Variants in RELB observed in about 807,000 individuals in gnomAD.
The protein encoded by RELB is RELB proto-oncogene, NF-kB subunit, also known as transcription factor RelB.
A neutral mutation model predicts 55.4 loss-of-function variants in RELB; 14 were observed. The ratio of observed to expected loss-of-function variants is 0.25; its 90% CI spans 0.17 to 0.40. The LOEUF (loss-of-function observed/expected upper bound fraction) is 0.40. Among genes scored for constraint, RELB ranks in the 10% least tolerant of loss-of-function variants. The pLI is 1.00. For missense variants in RELB, 669 were observed against 830.7 expected, an observed-to-expected ratio of 0.81 and a Z score of 2.39; for synonymous variants, 409 against 371.3, an observed-to-expected ratio of 1.10 and a Z score of -1.17.
intron 5 of RELB, among the ~76,000 whole-genome samples, chr19:45,024,413 C>A (rs866126812): frequency 7.4e-4 from 113 of 152,250 alleles, no homozygotes; most frequent in African/African-American, 2.6e-3. Flanking sequence ...CTGCCCGTAT[C>A]GGCCTCCCAA....
At chr19:45,025,991 C>G (rs1971554414) in intron 7 of RELB, among the ~76,000 whole-genome samples, 1 of 152,128 alleles carries the variant, frequency 6.6e-6, no homozygotes, top group Non-Finnish European at 1.5e-5. Flanking sequence ...CCGGTAATCC[C>G]AGCACTTTGG....
At chr19:45,010,925 G>A (rs1971342929) in intron 3 of RELB, among the ~76,000 whole-genome samples, 1 of 150,252 alleles carries the variant, frequency 6.7e-6, no homozygotes, top group Non-Finnish European at 1.5e-5. Context: ...GCATGATCTT[G>A]GCTCACTGCA....
At position 45,009,922 on chromosome 19, in the gene RELB, G is replaced by A. The variant is rs1171530153; in HGVS notation, c.163+100G>A. On this transcript the variant is annotated intron_variant, in intron 3 of 11. Transcript: ENST00000221452. Reference sequence around the variant, plus strand: ...TGTTCAGTGGGGGTGGGGGAGAGGTGTCACTGTGTGACTTCCAGGACTGTG... The same window carrying A: ...TGTTCAGTGGGGGTGGGGGAGAGGTATCACTGTGTGACTTCCAGGACTGTG... 3.4e-6 allele frequency: 4 copies of A among 1,181,426 alleles called. No individual in the cohort carries two copies. The Admixed American group carries it at 7.0e-5, about 21-fold the overall frequency. 73.2% of individuals were successfully genotyped at this position (1,181,426 alleles called of 1,614,324 possible).
At chr19:45,036,325 G>A (rs1209580297) in intron 11 of RELB, among the ~76,000 whole-genome samples, 7 of 152,072 alleles carry the variant, frequency 4.6e-5, no homozygotes, top group South Asian at 2.1e-4. Context: ...TGCCCGCCTC[G>A]GCCTGCCAAA....
intron 8 of RELB, among the ~76,000 whole-genome samples, chr19:45,031,158 C>T (rs535847139): frequency 9.2e-5 from 14 of 151,356 alleles, no homozygotes; most frequent in East Asian, 3.9e-4. Context: ...CTGACTCTTC[C>T]GCTACCAGTT....
intron 4 of RELB, among the ~76,000 whole-genome samples, chr19:45,016,507 G>A (rs1354226938): frequency 1.3e-5 from 2 of 152,224 alleles, no homozygotes; most frequent in East Asian, 1.9e-4. Context: ...CACACGTGCA[G>A]GGTTGCGGTT....
At chr19:45,017,049 G>A (rs149214253) in intron 4 of RELB, among the ~76,000 whole-genome samples, 7 of 152,224 alleles carry the variant, frequency 4.6e-5, no homozygotes, top group African/African-American at 1.4e-4. Flanking sequence ...GTCTACTTGC[G>A]GTAGGGTCCA....
intron 2 of RELB, among the ~76,000 whole-genome samples, chr19:45,005,952 A>G (rs1343680415): frequency 6.6e-6 from 1 of 152,132 alleles, no homozygotes; most frequent in African/African-American, 2.4e-5. Flanking sequence ...GTTTCAAATG[A>G]GAGTTATTTC....
intron 1 of RELB, among the ~76,000 whole-genome samples, chr19:45,002,499 C>A (rs1401684177): frequency 1.3e-5 from 2 of 152,098 alleles, no homozygotes; most frequent in African/African-American, 4.8e-5. Context: ...ATTACAGGTG[C>A]CCGCCACCAC....
chr19:45,031,016 G>A (rs982752095), intron 8 of RELB, among the ~76,000 whole-genome samples: 10 of 152,126 alleles, frequency 6.6e-5, no homozygotes, highest in Admixed American at 2.6e-4. Flanking sequence ...TCTTCATAGA[G>A]TTGTTGTGTG....
At chr19:45,007,301 G>C (rs1398273412) in intron 2 of RELB, among the ~76,000 whole-genome samples, 1 of 152,174 alleles carries the variant, frequency 6.6e-6, no homozygotes, top group Admixed American at 6.5e-5. Context: ...GCAGAAACTT[G>C]AATAATTTCC....
chr19:45,017,747 G>A (rs903290172), intron 4 of RELB, among the ~76,000 whole-genome samples: 4 of 148,878 alleles, frequency 2.7e-5, no homozygotes, highest in Non-Finnish European at 5.9e-5. Flanking sequence ...TCAGGTTCAA[G>A]CAGTCCTCTT....
chr19:45,037,406 C>T lies in RELB; in HGVS notation c.1356C>T (p.Gly452=), dbSNP rs1208655835. 2.6e-6 allele frequency: 4 copies of T among 1,566,022 alleles called. No individual in the cohort carries two copies. The Admixed American group carries it at 5.6e-5, about 22-fold the overall frequency. ...LDHFLPNHGS[G]PFLPPSALLP... ...CTTCTCTTGTCTTCATCCCCGTAGG[C>T]CCGTTCCTCCCGCCGTCAGCCCTGC... Residue 452 remains glycine (G), a splice_region_variant and synonymous_variant, in exon 12 of 12, where the codon GGC becomes GGT. Coordinates refer to ENST00000221452, the MANE Select transcript of RELB (RefSeq NM_006509.4).
chr19:45,010,984 T>C (rs1470971858), intron 3 of RELB, among the ~76,000 whole-genome samples: 1 of 151,952 alleles, frequency 6.6e-6, no homozygotes, highest in African/African-American at 2.4e-5. Context: ...GCCTCCCGAG[T>C]AGCTGGAACT....
intron 9 of RELB, 38 bp from the exon 10 acceptor site, chr19:45,034,206 G>T (rs745658761): frequency 1.1e-5 from 15 of 1,415,984 alleles, no homozygotes; most frequent in Non-Finnish European, 1.5e-5. Context: ...TATTATTGAT[G>T]AATTACTTCT....
chr19:45,012,140 C>G lies in RELB; in HGVS notation c.368C>G (p.Pro123Arg), dbSNP rs757537919. ...RLVSPAPGPG[P>R]QPHLVITEQP... The stretch of plus-strand genomic sequence containing the variant: ...GTGTCCCCAGCGCCGGGCCCGGGCC[C>G]GCAGCCGCACCTGGTCATCACGGAG... Residue 123 changes from proline to arginine, a missense_variant, in exon 4 of 12, where the codon CCG becomes CGG. Pro to Arg is a moderately radical substitution (Grantham distance 103). Transcript: ENST00000221452. 1 of 1,557,678 alleles carries G rather than the reference C, an allele frequency of 6.4e-7. No homozygotes were observed. Among genetic ancestry groups the G allele is most frequent in the African/African-American group, 1.4e-5 (1 of 69,984 alleles).
Position 45,003,019 on chromosome 19 carries a change from T to C in RELB, c.154+23T>C, listed in dbSNP as rs1329818127. 6.8e-6 allele frequency: 11 copies of C among 1,609,788 alleles called. No individual in the cohort carries two copies. In the Admixed American group the frequency reaches 1.3e-4, roughly 20 times the overall value. On this transcript the variant is annotated intron_variant, in intron 2 of 11. Transcript: ENST00000221452. The stretch of plus-strand genomic sequence containing the variant: ...CAGGTGAGCAGCCCTCCACAGTTCC[T>C]GCCCACTCGCTCATGCAGGATGAGG...
At chr19:45,026,241 CA>C (rs1024171226) in intron 7 of RELB, among the ~76,000 whole-genome samples, 102 of 140,336 alleles carry the variant, frequency 7.3e-4, no homozygotes, top group African/African-American at 1.4e-3. Flanking sequence ...GATTGCATCT[CA>C]AAAAAAAAAA....
chr19:45,037,231 A>C (rs1275870941), intron 11 of RELB, among the ~76,000 whole-genome samples, 174 bp from the exon 12 acceptor site: 2 of 151,800 alleles, frequency 1.3e-5, no homozygotes, highest in Non-Finnish European at 2.9e-5. Flanking sequence ...GCAGTGAGCC[A>C]AGAGCACGTC....
Sources: gnomAD v4.1 joint callset for allele counts (sites outside exome capture counted in the v4.1 genomes callset) on GRCh38, gnomAD v4.1.1 for gene constraint, MANE v1.5 for transcripts, NCBI Gene and HGNC (gene_info 2026-07-23, HGNC 2026-07-21) for gene names.